Variants in MYO15A observed in about 807,000 individuals in gnomAD.
MYO15A encodes the protein myosin XVA.
Under a neutral mutation model 394.6 loss-of-function variants are expected in MYO15A, and 308 were observed. That is an observed-to-expected ratio of 0.78 (90% CI 0.71 to 0.86). The LOEUF is 0.86. Among genes scored for constraint, MYO15A ranks in the 40% least tolerant of loss-of-function variants. The probability of loss-of-function intolerance (pLI) is 0.00; values close to 1 mark genes in which losing one functional copy is unlikely to be tolerated. For synonymous variants in MYO15A, 1,957 were observed against 2,003.8 expected (o/e 0.98, Z 0.62); for missense variants, 4,606 against 4,799.1 (o/e 0.96, Z 1.19).
intron 59 of MYO15A, 72 bp downstream of exon 59, chr17:18,163,393 G>C (rs2046804390): frequency 4.7e-6 from 7 of 1,489,074 alleles, no homozygotes; most frequent in Non-Finnish European, 6.5e-6. Context: ...GCTCCAGGAT[G>C]GGGGTGGAGT....
At chr17:18,169,325 A>G (rs1343317994) in intron 62 of MYO15A, among the ~76,000 whole-genome samples, 1 of 151,796 alleles carries the variant, frequency 6.6e-6, no homozygotes, top group Non-Finnish European at 1.5e-5. Context: ...GCATGCCTGT[A>G]ATCCCAGCCA....
chr17:18,168,529 T>C (rs62073609), intron 62 of MYO15A, among the ~76,000 whole-genome samples: 28,533 of 150,618 alleles, frequency 0.19, 2,832 homozygotes, highest in Middle Eastern at 0.26. Context: ...GATAGCGCCA[T>C]TGCACTCCAA....
chr17:18,111,341 G>T, intron 1 of MYO15A, among the ~76,000 whole-genome samples: 1 of 119,004 alleles, frequency 8.4e-6, no homozygotes, highest in African/African-American at 3.1e-5. Flanking sequence ...TCTCAAAAGA[G>T]AAAAAAAAAA....
Position 18,172,145 on chromosome 17 carries a change from C to G in MYO15A, c.10217-12C>G, listed in dbSNP as rs751280697. The stretch of plus-strand genomic sequence containing the variant: ...GCCCAGCACGTAACTGCCACCCCCT[C>G]TCCCTGCCCAGGCCTCCTCAGCGCC... On this transcript the variant is annotated splice_polypyrimidine_tract_variant and intron_variant, in intron 63 of 65. Transcript: ENST00000647165. 1.2e-6 allele frequency: 2 copies of G among 1,614,132 alleles called. No individual in the cohort carries two copies. The highest frequency in any genetic ancestry group is 1.7e-5 in the Admixed American group (1 of 60,032).
chr17:18,122,340 C>A lies in MYO15A; in HGVS notation c.3540C>A (p.Gly1180=). 2 of 1,612,904 alleles carry A rather than the reference C, an allele frequency of 1.2e-6. No homozygotes were observed. The highest frequency in any genetic ancestry group is 1.7e-6 in the Non-Finnish European group (2 of 1,179,984). ...CCCATCCCCAGTCCTGCCACCTGGG[C>A]CCTGGAGCTGCCTGCCTGTCCCTTA... ...VHTHPQSCHL[G]PGAACLSLRG... Residue 1180 remains glycine, a synonymous_variant, in exon 2 of 66, where the codon GGC becomes GGA. Transcript: ENST00000647165.
chr17:18,111,358 A>C (rs1417934295), intron 1 of MYO15A, among the ~76,000 whole-genome samples: 5 of 122,098 alleles, frequency 4.1e-5, no homozygotes, highest in African/African-American at 1.2e-4. Context: ...AAAAAAAAAA[A>C]AAAAAAAACA....
At chr17:18,176,907 C>T (rs2047022567) in intron 65 of MYO15A, 1 of 152,248 alleles carries the variant, frequency 6.6e-6, no homozygotes. Flanking sequence ...ATCAGAATGT[C>T]AGCTCCAAGA....
intron 1 of MYO15A, among the ~76,000 whole-genome samples, chr17:18,111,158 A>G (rs558176718): frequency 2.0e-5 from 3 of 152,296 alleles, no homozygotes; most frequent in African/African-American, 7.2e-5. Flanking sequence ...TGGGCAACAT[A>G]GTGGGACCCT....
At position 18,157,218 on chromosome 17, in the gene MYO15A, G is replaced by C. The variant is rs986682465; in HGVS notation, c.8776G>C (p.Gly2926Arg). 3 of 1,606,546 alleles carry C rather than the reference G, an allele frequency of 1.9e-6. No homozygotes were observed. The African/African-American group carries it at 4.0e-5, about 21-fold the overall frequency. Residue 2926 changes from glycine to arginine, a missense_variant, in exon 50 of 66, where the codon GGC (glycine) becomes CGC (arginine). Transcript: ENST00000647165. ...VVYLEELRRRGPDFGWRFGTI... is the reference protein window; with the variant it reads ...VVYLEELRRRRPDFGWRFGTI... ...GTACCTGGAGGAGCTGCGACGTAGA[G>C]GCCCCGACTTTGGTGTGTGCCCCAG...
At chr17:18,177,257 A>G (rs1020352704) in intron 65 of MYO15A, 1 of 152,206 alleles carries the variant, frequency 6.6e-6, no homozygotes, top group Admixed American at 6.5e-5. Context: ...TACCTTGATC[A>G]GTGCTGGGAG....
chr17:18,133,282 G>A lies in MYO15A; in HGVS notation c.4378G>A (p.Ala1460Thr), dbSNP rs1567636563. 6.2e-7 allele frequency: 1 copy of A among 1,614,166 alleles called. No homozygotes were observed. Among genetic ancestry groups the A allele is most frequent in the Non-Finnish European group, 8.5e-7 (1 of 1,180,026 alleles). The change falls in exon 12 of 66, where the codon GCT becomes ACT. Residue 1460 changes from alanine to threonine, a missense_variant. By Grantham distance (58) the Ala-to-Thr change is moderately conservative. Around this residue, in one of 2 missense-constraint regions of MYO15A, gnomAD observed 2,776 missense variants for 3,109.3 expected, o/e 0.89. Transcript: ENST00000647165. ...SDADDFRRLL[A>T]AMEVLGFSSE... ...TGCAGATGACTTTCGCCGGCTCCTGGCTGCCATGGAGGTGTTGGGCTTCAG... is the reference window on the plus strand; with the variant it reads ...TGCAGATGACTTTCGCCGGCTCCTGACTGCCATGGAGGTGTTGGGCTTCAG...
rs1171912349 is a variant in MYO15A at position 18,147,941 on chromosome 17, TCAGAATTTCCTACCCC to T, written c.6510-85_6510-70del. On this transcript the variant is annotated intron_variant, in intron 30 of 65. Coordinates refer to ENST00000647165, the MANE Select transcript of MYO15A (RefSeq NM_016239.4). The surrounding 1 kb of genome is among the most constrained non-coding windows in gnomAD (Gnocchi z 4.4). The stretch of plus-strand genomic sequence containing the variant: ...AGCCTGGGCCTTTCTCAGACTAGCC[TCAGAATTTCCTACCCC>T]CACCCCGCAGCCCTCAGCCCCAAGC... The T allele has an allele frequency of 6.5e-7, 1 of 1,533,734 alleles. No homozygotes were observed. The highest frequency in any genetic ancestry group is 9.0e-7 in the Non-Finnish European group (1 of 1,109,766).
intron 34 of MYO15A, 40 bp from the exon 35 acceptor site, chr17:18,149,446 A>C: frequency 1.2e-6 from 2 of 1,614,104 alleles, no homozygotes; most frequent in Non-Finnish European, 1.7e-6. Flanking sequence ...GGAAATCATC[A>C]AGAAAAAAGA....
chr17:18,167,456 G>T, intron 61 of MYO15A, 134 bp from the exon 62 acceptor site: 1 of 1,425,608 alleles, frequency 7.0e-7, no homozygotes, highest in Non-Finnish European at 9.7e-7. Context: ...CGAAACCCAG[G>T]AAAGTAATAG....
intron 30 of MYO15A, 67 bp downstream of exon 30, chr17:18,146,174 G>A: frequency 1.1e-5 from 17 of 1,497,904 alleles, no homozygotes; most frequent in Non-Finnish European, 1.6e-5. Context: ...CCCAAGGCAG[G>A]GTCTTAAAGG....
chr17:18,151,292 T>G lies in MYO15A; in HGVS notation c.7654+2T>G. On this transcript the variant is annotated splice_donor_variant, in intron 39 of 65. Coordinates refer to ENST00000647165, the MANE Select transcript of MYO15A (RefSeq NM_016239.4). LOFTEE classifies it high-confidence loss of function. ...AGGATCAGGCTTCTCCAGAAACCAG[T>G]GAGTGCCCTATCCCAGCCTCTGGGG... The G allele has an allele frequency of 6.2e-7, 1 of 1,614,186 alleles. No homozygotes were observed.
At chr17:18,139,920 C>G (rs935213847) in intron 19 of MYO15A, among the ~76,000 whole-genome samples, 1 of 152,236 alleles carries the variant, frequency 6.6e-6, no homozygotes, top group African/African-American at 2.4e-5. Flanking sequence ...GTACTTACCC[C>G]ACTCTGGGCC....
In MYO15A at chr17:18,147,912, G is replaced by T; in HGVS notation, c.6510-117G>T. The T allele has an allele frequency of 7.6e-7, 1 of 1,307,478 alleles. No individual in the cohort carries two copies. The highest frequency in any genetic ancestry group is 2.3e-5 in the East Asian group (1 of 42,752). 81.0% of individuals were successfully genotyped at this position (1,307,478 alleles called of 1,614,324 possible). On this transcript the variant is annotated intron_variant, in intron 30 of 65. Transcript: ENST00000647165. The surrounding 1 kb of genome is among the most constrained non-coding windows in gnomAD (Gnocchi z 4.4). ...TTTTTAGCCTCACCTTGGAGCTCTG[G>T]AGTAGCCTGGGCCTTTCTCAGACTA... is the stretch of plus-strand genomic sequence containing the variant.
Position 18,149,351 on chromosome 17 carries a change from C to T in MYO15A, c.7092C>T (p.Ala2364=). ...ACGGTACAAATGGGGAGACTGAGGCCCAAAGAGGGACAGCAACCCACCAAG... is the reference window on the plus strand; with the variant it reads ...ACGGTACAAATGGGGAGACTGAGGCTCAAAGAGGGACAGCAACCCACCAAG... ...NQDGTNGETE[A]QRGTATHQES... is the part of the protein sequence containing the mutation. The change falls in exon 34 of 66, where the codon GCC becomes GCT. Residue 2364 remains alanine (A), a synonymous_variant. Transcript: ENST00000647165. 1.2e-6 allele frequency: 2 copies of T among 1,608,698 alleles called. No homozygotes were observed. The highest frequency in any genetic ancestry group is 2.2e-5 in the East Asian group (1 of 44,608).
Sources: gnomAD v4.1 joint callset for allele counts (sites outside exome capture counted in the v4.1 genomes callset) on GRCh38, gnomAD v4.1.1 for gene constraint, gnomAD v4.1.1 regional missense constraint, Gnocchi (gnomAD v3.1) non-coding constraint, MANE v1.5 for transcripts, NCBI Gene and HGNC (gene_info 2026-07-23, HGNC 2026-07-21) for gene names.